INPP4B: variants seen among roughly 807,000 people sequenced by gnomAD.
INPP4B encodes the protein inositol polyphosphate 4-phosphatase type II.
In INPP4B, 55 loss-of-function variants were observed where a neutral mutation model predicts 122.5. The ratio of observed to expected loss-of-function variants is 0.45; its 90% confidence interval spans 0.36 to 0.56. The LOEUF is 0.56. INPP4B is among the 20% of genes least tolerant of loss of function. INPP4B has a pLI of 0.00. For synonymous variants in INPP4B, 403 were observed against 388.7 expected, an observed-to-expected ratio of 1.04 and a Z score of -0.43; for missense variants, 1,000 against 1,097.7, an observed-to-expected ratio of 0.91 and a Z score of 1.26.
At chr4:142,618,791 A>G (rs1744242501) in intron 2 of INPP4B, among the ~76,000 whole-genome samples, 1 of 151,992 alleles carries the variant, frequency 6.6e-6, no homozygotes, top group African/African-American at 2.4e-5. Context: ...TGAAAAGACA[A>G]TCTGTGGAAT....
At chr4:142,087,090 C>T (rs1046980463) in intron 23 of INPP4B, among the ~76,000 whole-genome samples, 2 of 152,194 alleles carry the variant, frequency 1.3e-5, no homozygotes, top group Non-Finnish European at 2.9e-5. Context: ...GAAGACCATA[C>T]TGTGCATTAC....
At chr4:142,711,730 T>C (rs1763142244) in intron 2 of INPP4B, among the ~76,000 whole-genome samples, 1 of 152,156 alleles carries the variant, frequency 6.6e-6, no homozygotes, top group African/African-American at 2.4e-5. Flanking sequence ...ACAGAGCCTT[T>C]ATGGATGAAA....
chr4:142,170,070 C>A (rs1824842111), intron 16 of INPP4B, among the ~76,000 whole-genome samples: 1 of 151,452 alleles, frequency 6.6e-6, no homozygotes, highest in South Asian at 2.1e-4. Flanking sequence ...CATAGAATTG[C>A]ATACTTTTAG....
intron 2 of INPP4B, among the ~76,000 whole-genome samples, chr4:142,532,615 C>T (rs17016338): frequency 0.034 from 5,184 of 152,064 alleles, 293 homozygotes; most frequent in African/African-American, 0.12. Context: ...CCACAATAGC[C>T]CGCCAGATTA....
At position 142,028,611 on chromosome 4, in the gene INPP4B, T is replaced by C; in HGVS notation, c.*171A>G. 1.6e-6 allele frequency: 1 copy of C among 618,530 alleles called. No individual in the cohort carries two copies. Among genetic ancestry groups the C allele is most frequent in the Non-Finnish European group, 2.7e-6 (1 of 366,638 alleles). 38.3% of individuals were successfully genotyped at this position (618,530 alleles called of 1,614,324 possible). On this transcript the variant is annotated 3_prime_UTR_variant, in exon 26 of 26. Coordinates refer to ENST00000262992, the MANE Select transcript of INPP4B (RefSeq NM_001101669.3). ...TAAGATTTTTTAAAATGGATTTCTT[T>C]CAGAGCAATATGCTGATGATGAATT...
rs746399691 is a variant in INPP4B, at chr4:142,173,812, G to A, written c.1182-3C>T. 6.2e-7 allele frequency: 1 copy of A among 1,610,446 alleles called. No homozygotes were observed. ...AGTAAATAAACTGGTATCCGGTACT[G>A]CAACAACAAAGATAAAAATAAGTTA... On this transcript the variant is annotated splice_region_variant and splice_polypyrimidine_tract_variant and intron_variant, in intron 15 of 25. Coordinates refer to ENST00000262992, the MANE Select transcript of INPP4B (RefSeq NM_001101669.3).
chr4:142,348,365 G>T (rs796467544), intron 7 of INPP4B, among the ~76,000 whole-genome samples: 67 of 151,958 alleles, frequency 4.4e-4, no homozygotes, highest in African/African-American at 1.6e-3. Context: ...TTACTATTTG[G>T]TCTTGTTTAA....
chr4:142,385,024 G>A (rs12499785), intron 7 of INPP4B, among the ~76,000 whole-genome samples: 29,364 of 152,062 alleles, frequency 0.19, 3,636 homozygotes, highest in African/African-American at 0.35. Context: ...TGGGCATTTA[G>A]GTTGATTCCA....
intron 25 of INPP4B, among the ~76,000 whole-genome samples, chr4:142,037,330 C>A (rs1744603537): frequency 6.6e-6 from 1 of 152,094 alleles, no homozygotes; most frequent in African/African-American, 2.4e-5. Flanking sequence ...ATTTCACTTT[C>A]TTTTCTGCAA....
At chr4:142,650,877 GACATCT>G (rs1752808525) in intron 2 of INPP4B, among the ~76,000 whole-genome samples, 2 of 152,268 alleles carry the variant, frequency 1.3e-5, no homozygotes, top group South Asian at 4.1e-4. Flanking sequence ...GGACCTAATA[GACATCT>G]ACAGAACTCT....
chr4:142,740,054 G>A (rs1329559914), intron 1 of INPP4B, among the ~76,000 whole-genome samples: 1 of 152,020 alleles, frequency 6.6e-6, no homozygotes, highest in African/African-American at 2.4e-5. Flanking sequence ...AAATTTAGGT[G>A]TCCAGAGGAA....
At chr4:142,778,482 A>G (rs1346699766) in intron 1 of INPP4B, among the ~76,000 whole-genome samples, 2 of 152,168 alleles carry the variant, frequency 1.3e-5, no homozygotes, top group African/African-American at 4.8e-5. Context: ...ACAAATTCTG[A>G]AACATCTCAA....
intron 3 of INPP4B, among the ~76,000 whole-genome samples, chr4:142,442,694 C>A (rs963705097): frequency 1.3e-5 from 2 of 152,158 alleles, no homozygotes; most frequent in Non-Finnish European, 2.9e-5. Flanking sequence ...TCAGGGCAAC[C>A]AACTAGTTGG....
At chr4:142,246,116 A>ATG (rs1411139243) in intron 11 of INPP4B, among the ~76,000 whole-genome samples, 39 of 149,318 alleles carry the variant, frequency 2.6e-4, no homozygotes, top group African/African-American at 9.5e-4. Context: ...ACATATATAT[A>ATG]TGTGTATGTA....
At chr4:142,732,359 C>A (rs946436244) in intron 1 of INPP4B, among the ~76,000 whole-genome samples, 3 of 151,502 alleles carry the variant, frequency 2.0e-5, no homozygotes, top group Admixed American at 6.6e-5. Flanking sequence ...ATAAAAATTC[C>A]AATTTTATTT....
intron 2 of INPP4B, among the ~76,000 whole-genome samples, chr4:142,679,395 C>A (rs1291067157): frequency 1.3e-5 from 2 of 151,844 alleles, no homozygotes; most frequent in African/African-American, 4.8e-5. Context: ...TAAAGTCTTG[C>A]ATGGGTATTT....
At chr4:142,152,712 G>A (rs1217759140) in intron 17 of INPP4B, among the ~76,000 whole-genome samples, 2 of 152,144 alleles carry the variant, frequency 1.3e-5, no homozygotes, top group East Asian at 3.9e-4. Flanking sequence ...TCCTGCCTCA[G>A]CCTCCCAAGT....
intron 2 of INPP4B, among the ~76,000 whole-genome samples, chr4:142,628,092 C>T (rs1225932371): frequency 1.3e-5 from 2 of 151,758 alleles, no homozygotes; most frequent in Non-Finnish European, 2.9e-5. Context: ...AATCATGCTG[C>T]TATAAAGACA....
At chr4:142,453,410 T>C (rs992873757) in intron 3 of INPP4B, among the ~76,000 whole-genome samples, 1 of 152,204 alleles carries the variant, frequency 6.6e-6, no homozygotes, top group Non-Finnish European at 1.5e-5. Flanking sequence ...CAAATTAGTA[T>C]TGACTAAATT....
Sources: gnomAD v4.1 joint callset for allele counts (sites outside exome capture counted in the v4.1 genomes callset) on GRCh38, gnomAD v4.1.1 for gene constraint, MANE v1.5 for transcripts, NCBI Gene and HGNC (gene_info 2026-07-23, HGNC 2026-07-21) for gene names.